The following SCN8A variants were observed in gnomAD, a reference collection of about 807,000 sequenced individuals.
The protein encoded by SCN8A is sodium channel protein type 8 subunit alpha.
A neutral mutation model predicts 184.1 loss-of-function variants in SCN8A; 30 were observed. The observed-to-expected ratio is 0.16, with a 90% CI of 0.12 to 0.22. The LOEUF (loss-of-function observed/expected upper bound fraction) is 0.22, where lower values mean the gene tolerates loss of function less well. Among genes scored for constraint, SCN8A ranks in the 10% least tolerant of loss-of-function variants. The pLI, the probability that SCN8A is intolerant of heterozygous loss-of-function variation, is 1.00. For missense variants in SCN8A, 1,057 were observed against 2,498.9 expected, an observed-to-expected ratio of 0.42 and a Z score of 12.30; for synonymous variants, 852 against 907.0, an observed-to-expected ratio of 0.94 and a Z score of 1.09.
At chr12:51,697,945 C>T (rs1214413941) in intron 6 of SCN8A, among the ~76,000 whole-genome samples, 1 of 152,184 alleles carries the variant, frequency 6.6e-6, no homozygotes, top group Non-Finnish European at 1.5e-5. Flanking sequence ...ACCCCCGCAC[C>T]GGGTTCAAGT....
At chr12:51,721,074 A>ATT (rs1942045642) in intron 11 of SCN8A, among the ~76,000 whole-genome samples, 3 of 64,776 alleles carry the variant, frequency 4.6e-5, no homozygotes, top group African/African-American at 1.9e-4. Flanking sequence ...TCTCAAAAAA[A>ATT]AAAAAATTAT....
intron 15 of SCN8A, among the ~76,000 whole-genome samples, chr12:51,765,184 A>G (rs933392620): frequency 1.3e-5 from 2 of 151,898 alleles, no homozygotes; most frequent in African/African-American, 4.8e-5. Context: ...TTTTTTTTTA[A>G]TCAGCCATTG....
intron 6 of SCN8A, among the ~76,000 whole-genome samples, chr12:51,690,668 T>TAA (rs991329230): frequency 1.3e-4 from 20 of 152,162 alleles, no homozygotes; most frequent in African/African-American, 4.8e-4. Flanking sequence ...GGCCCAGAAA[T>TAA]ATTTCTTTTT....
At chr12:51,662,363 GGGGA>G (rs1940941147) in intron 1 of SCN8A, among the ~76,000 whole-genome samples, 3 of 152,160 alleles carry the variant, frequency 2.0e-5, no homozygotes, top group African/African-American at 4.8e-5. Context: ...GTTTTTCTTT[GGGGA>G]GTGGAGCTTT....
In SCN8A at chr12:51,644,541, A is replaced by G. The variant is rs113808336; in HGVS notation, c.-54-18223A>G. Among the ~76,000 whole-genome samples the G allele has an allele frequency of 3.3e-3, 503 of 152,320 alleles. 2 individuals carry two copies. The highest frequency in any genetic ancestry group is 0.011 in the African/African-American group (465 of 41,566). ...CGGAGTCTCGTTCACTCAGTGCTCA[A>G]TGGTGCCCAGGCTGGAGTGCAGTGG... is the stretch of plus-strand genomic sequence containing the variant. On this transcript the variant is annotated intron_variant, in intron 1 of 26. Transcript: ENST00000627620.
intron 1 of SCN8A, among the ~76,000 whole-genome samples, chr12:51,658,693 G>A (rs1178194782): frequency 1.3e-5 from 2 of 152,148 alleles, no homozygotes; most frequent in Non-Finnish European, 2.9e-5. Flanking sequence ...TGGGAATGGA[G>A]AGAAACTGCT....
chr12:51,712,977 A>G lies in SCN8A; in HGVS notation c.1635+6262A>G, dbSNP rs150355911. 6.8e-4 allele frequency: 1,083 copies of G among 1,586,940 alleles called. 7 individuals are homozygous for G. In the African/African-American group the frequency reaches 0.012, roughly 18 times the overall value. On this transcript the variant is annotated intron_variant, in intron 11 of 26. Transcript: ENST00000627620. Reference sequence around the variant, plus strand: ...CACCTCCACGACCTGTCCGTGATCCAGCGGACTGCATCTCTTGTTTAGAAA... The same window carrying G: ...CACCTCCACGACCTGTCCGTGATCCGGCGGACTGCATCTCTTGTTTAGAAA...
intron 20 of SCN8A, among the ~76,000 whole-genome samples, chr12:51,776,151 G>A (rs1265544611): frequency 6.6e-6 from 1 of 152,102 alleles, no homozygotes. Context: ...CACCATGCCT[G>A]GCTAATTTTT....
In SCN8A at chr12:51,673,259, T is replaced by C. The variant is rs1316222240; in HGVS notation, c.276+10166T>C. 2.0e-5 allele frequency among the ~76,000 whole-genome samples: 3 copies of C among 152,222 alleles called. No homozygotes were observed. The East Asian group carries it at 5.8e-4, about 29-fold the overall frequency. ...TTTACATTGTATTAAGTATTATAAGTAATCTAGAGATGATTTAAAATTTAC... is the reference window on the plus strand; with the variant it reads ...TTTACATTGTATTAAGTATTATAAGCAATCTAGAGATGATTTAAAATTTAC... On this transcript the variant is annotated intron_variant, in intron 2 of 26. Transcript: ENST00000627620.
intron 12 of SCN8A, among the ~76,000 whole-genome samples, chr12:51,729,350 A>C (rs1444767950): frequency 2.6e-5 from 4 of 152,074 alleles, no homozygotes; most frequent in Non-Finnish European, 5.9e-5. Context: ...AGTTCCTTCC[A>C]CTTCAGGCAA....
chr12:51,804,921 G>A lies in SCN8A; in HGVS notation c.4796-1361G>A, dbSNP rs1345381744. On this transcript the variant is annotated intron_variant, in intron 26 of 26. Transcript: ENST00000627620. The stretch of plus-strand genomic sequence containing the variant: ...GGGAAACCAAAGATGTTTTTTCAGA[G>A]CAAAGAAGAAGATACTTTGAAAATT... Among the ~76,000 whole-genome samples the A allele has an allele frequency of 3.3e-5, 5 of 150,864 alleles. No homozygotes were observed. The South Asian group carries it at 1.0e-3, about 32-fold the overall frequency.
chr12:51,674,581 C>T (rs755649478), intron 2 of SCN8A, among the ~76,000 whole-genome samples: 2 of 152,096 alleles, frequency 1.3e-5, no homozygotes, highest in Non-Finnish European at 2.9e-5. Flanking sequence ...GTAATCCACC[C>T]GCCTCGGCCT....
intron 14 of SCN8A, among the ~76,000 whole-genome samples, chr12:51,754,420 A>G (rs192953944): frequency 6.6e-6 from 1 of 152,020 alleles, no homozygotes; most frequent in African/African-American, 2.4e-5. Flanking sequence ...ACATTCTCCT[A>G]CATAACCATA....
At chr12:51,628,742 T>C (rs1225942755) in intron 1 of SCN8A, among the ~76,000 whole-genome samples, 2 of 152,192 alleles carry the variant, frequency 1.3e-5, no homozygotes, top group Non-Finnish European at 2.9e-5. Context: ...AAGATATCTT[T>C]CTTATTCAAG....
intron 14 of SCN8A, 68 bp downstream of exon 14, chr12:51,751,661 G>C: frequency 8.5e-7 from 1 of 1,181,138 alleles, no homozygotes; most frequent in Non-Finnish European, 1.2e-6. Context: ...ATCTTTTTCT[G>C]GTACTGAAAG....
chr12:51,773,863 G>T (rs905195503), intron 19 of SCN8A, among the ~76,000 whole-genome samples: 1 of 152,110 alleles, frequency 6.6e-6, no homozygotes, highest in African/African-American at 2.4e-5. Flanking sequence ...AGGGCTAGGG[G>T]GTTGGGGGTT....
At chr12:51,800,638 A>C (rs1015746988) in intron 26 of SCN8A, among the ~76,000 whole-genome samples, 2 of 152,212 alleles carry the variant, frequency 1.3e-5, no homozygotes, top group Non-Finnish European at 2.9e-5. Context: ...TGGGAAAATG[A>C]CCACAGGATG....
chr12:51,685,666 C>A (rs1363828461), intron 3 of SCN8A, among the ~76,000 whole-genome samples: 1 of 152,168 alleles, frequency 6.6e-6, no homozygotes, highest in Non-Finnish European at 1.5e-5. Context: ...CAGCTGGTTT[C>A]CCACATTGGA....
At chr12:51,626,393 C>T (rs1940078098) in intron 1 of SCN8A, among the ~76,000 whole-genome samples, 1 of 152,114 alleles carries the variant, frequency 6.6e-6, no homozygotes, top group East Asian at 1.9e-4. Flanking sequence ...ACACAGAATA[C>T]CCAACACGAC....
Sources: allele counts gnomAD v4.1 joint callset (sites outside exome capture counted in the v4.1 genomes callset), GRCh38; gene constraint gnomAD v4.1.1; transcripts MANE v1.5; gene names NCBI Gene and HGNC (gene_info 2026-07-23, HGNC 2026-07-21).